Variants in GFRA2 observed in about 807,000 individuals in gnomAD.
The protein encoded by GFRA2 is GDNF family receptor alpha 2.
GFRA2 carries 17 observed loss-of-function variants against 48.3 expected under a neutral mutation model. That is an observed-to-expected ratio of 0.35 (90% confidence interval 0.24 to 0.53). The LOEUF is 0.53. GFRA2 is among the 20% of genes least tolerant of loss of function. The pLI, the probability that GFRA2 is intolerant of heterozygous loss-of-function variation, is 0.93. For missense variants in GFRA2, 660 were observed against 637.3 expected (o/e 1.04, Z -0.38); for synonymous variants, 305 against 257.2 (o/e 1.19, Z -1.78).
chr8:21,693,459 C>T, intron 8 of GFRA2, 59 bp from the exon 9 acceptor site: 1 of 1,511,764 alleles, frequency 6.6e-7, no homozygotes, highest in East Asian at 2.5e-5. Context: ...AGAAAACAGT[C>T]AGGAGGCCTG....
At chr8:21,749,171 T>C (rs66543378) in intron 4 of GFRA2, among the ~76,000 whole-genome samples, 44,110 of 151,314 alleles carry the variant, frequency 0.29, 7,137 homozygotes, top group African/African-American at 0.43. Flanking sequence ...AAAGGACAAA[T>C]GTGAGAATTA....
intron 4 of GFRA2, among the ~76,000 whole-genome samples, chr8:21,733,464 G>A (rs1437152684): frequency 1.3e-5 from 2 of 152,164 alleles, no homozygotes; most frequent in African/African-American, 4.8e-5. Context: ...GTCCCACCAC[G>A]GAGGTGTCAT....
At chr8:21,702,777 C>T in intron 7 of GFRA2, 28 bp downstream of exon 7, 1 of 1,550,474 alleles carries the variant, frequency 6.4e-7, no homozygotes, top group Non-Finnish European at 8.7e-7. Flanking sequence ...CATGGTGCTC[C>T]CCCCACGCCT....
At position 21,758,027 on chromosome 8, in the gene GFRA2, A is replaced by G. The variant is rs79529119; in HGVS notation, c.440-7085T>C. Among the ~76,000 whole-genome samples, 5 of 152,274 alleles carry G rather than the reference A, an allele frequency of 3.3e-5. No individual in the cohort carries two copies. The East Asian group carries it at 9.7e-4, about 29-fold the overall frequency. On this transcript the variant is annotated intron_variant, in intron 3 of 8. Coordinates refer to ENST00000524240, the MANE Select transcript of GFRA2 (RefSeq NM_001495.5). ...ACTCGGAGGGGGAAGTCACCGGTTT[A>G]GAGAAAAGGCACTTGACCTCTGGTG...
intron 3 of GFRA2, among the ~76,000 whole-genome samples, chr8:21,770,181 C>A (rs1315793106): frequency 1.3e-5 from 2 of 152,324 alleles, no homozygotes; most frequent in South Asian, 2.1e-4. Flanking sequence ...AAGCACTATC[C>A]CAGCGTGAAA....
chr8:21,759,803 C>T (rs564804551), intron 3 of GFRA2, among the ~76,000 whole-genome samples: 11 of 149,254 alleles, frequency 7.4e-5, no homozygotes, highest in South Asian at 2.1e-4. Flanking sequence ...GCAGGAGAAT[C>T]GCTTGAAGCC....
upstream of GFRA2, chr8:21,789,251 G>A (rs1018917309): frequency 1.2e-4 from 18 of 153,476 alleles, no homozygotes; most frequent in South Asian, 8.9e-4. Flanking sequence ...CCCCGGCTAC[G>A]GCTCGGGCTC....
At position 21,694,532 on chromosome 8, in the gene GFRA2, G is replaced by A. The variant is rs960423446; in HGVS notation, c.1219-15C>T. On this transcript the variant is annotated splice_polypyrimidine_tract_variant and intron_variant, in intron 7 of 8. Transcript: ENST00000524240. ...AGCCCCTGCTCCTGCGAGAGAGAAG[G>A]TGCCAGTCAGGACGAGTCACCAGGC... The A allele has an allele frequency of 1.2e-6, 2 of 1,607,374 alleles. No homozygotes were observed. The highest frequency in any genetic ancestry group is 1.7e-6 in the Non-Finnish European group (2 of 1,177,268).
intron 3 of GFRA2, among the ~76,000 whole-genome samples, chr8:21,753,444 C>T (rs1805394744): frequency 6.6e-6 from 1 of 152,148 alleles, no homozygotes; most frequent in Admixed American, 6.5e-5. Flanking sequence ...CCCGTCTCTA[C>T]TAAAAATATA....
chr8:21,740,347 C>T (rs1212832934), intron 4 of GFRA2, among the ~76,000 whole-genome samples: 1 of 152,182 alleles, frequency 6.6e-6, no homozygotes, highest in Non-Finnish European at 1.5e-5. Flanking sequence ...TCCCAGAAAG[C>T]TCTAACCAAC....
chr8:21,759,283 G>C (rs1805753304), intron 3 of GFRA2, among the ~76,000 whole-genome samples: 1 of 151,900 alleles, frequency 6.6e-6, no homozygotes, highest in Admixed American at 6.6e-5. Context: ...CTACTAGGGA[G>C]GCTGAGGCAG....
chr8:21,781,156 G>C (rs1806966005), intron 2 of GFRA2, among the ~76,000 whole-genome samples: 1 of 152,114 alleles, frequency 6.6e-6, no homozygotes, highest in Admixed American at 6.6e-5. Flanking sequence ...CCACTGTCCT[G>C]GTTCCGCCAC....
rs1245779968 is a variant in GFRA2 at position 21,691,237 on chromosome 8, T to C, written c.*2041A>G. 1.3e-5 allele frequency: 2 copies of C among 152,184 alleles called. No individual in the cohort carries two copies. Among genetic ancestry groups the C allele is most frequent in the African/African-American group, 4.8e-5 (2 of 41,426 alleles). 9.4% of individuals were successfully genotyped at this position (152,184 alleles called of 1,614,324 possible). A position where few individuals can be genotyped will look rare whatever the true frequency, so the allele number is the denominator to read the frequency against. On this transcript the variant is annotated 3_prime_UTR_variant, in exon 9 of 9. Coordinates refer to ENST00000524240, the MANE Select transcript of GFRA2 (RefSeq NM_001495.5). ...CTTCCATTCTCCCTCCTGCCATGGG[T>C]ATATATTCACACGTGCACGTGAACA... is the stretch of plus-strand genomic sequence containing the variant.
At chr8:21,785,046 C>T (rs1270064252) in intron 1 of GFRA2, among the ~76,000 whole-genome samples, 1 of 152,224 alleles carries the variant, frequency 6.6e-6, no homozygotes, top group Admixed American at 6.5e-5. Flanking sequence ...AGGCTAATGC[C>T]CTCCCACCTT....
chr8:21,754,531 A>T, intron 3 of GFRA2, among the ~76,000 whole-genome samples: 1 of 120,524 alleles, frequency 8.3e-6, no homozygotes, highest in Non-Finnish European at 1.7e-5. Context: ...TTTTTGAGTC[A>T]GAGTTTTGCT....
intron 1 of GFRA2, among the ~76,000 whole-genome samples, chr8:21,807,416 T>C (rs542487391): frequency 3.8e-4 from 58 of 152,312 alleles, no homozygotes; most frequent in African/African-American, 1.4e-3. Context: ...ATAAGACAAA[T>C]AAACTTCTAT....
chr8:21,789,656 C>A (rs1193210565), upstream of GFRA2, among the ~76,000 whole-genome samples: 2 of 152,112 alleles, frequency 1.3e-5, no homozygotes, highest in Non-Finnish European at 2.9e-5. Flanking sequence ...GGCCTAGCCC[C>A]GCGCGCACAT....
At chr8:21,729,981 T>A (rs2117490883) in intron 4 of GFRA2, among the ~76,000 whole-genome samples, 1 of 151,784 alleles carries the variant, frequency 6.6e-6, no homozygotes, top group South Asian at 2.1e-4. Flanking sequence ...CCCACCACAC[T>A]CTGGGGAATT....
intron 1 of GFRA2, among the ~76,000 whole-genome samples, chr8:21,787,080 C>T (rs1807309183): frequency 6.6e-6 from 1 of 152,180 alleles, no homozygotes; most frequent in Admixed American, 6.5e-5. Context: ...CTGGGACTCC[C>T]GGTGGTGCAC....
Sources: gnomAD v4.1 joint callset for allele counts (sites outside exome capture counted in the v4.1 genomes callset) on GRCh38, gnomAD v4.1.1 for gene constraint, MANE v1.5 for transcripts, NCBI Gene and HGNC (gene_info 2026-07-23, HGNC 2026-07-21) for gene names.